The following TAFA1 variants were observed in gnomAD, a reference collection of about 807,000 sequenced individuals.
TAFA1 encodes the protein TAFA chemokine like family member 1, also known as chemokine-like protein TAFA-1.
A neutral mutation model predicts 18.5 loss-of-function variants in TAFA1; 4 were observed. That is an observed-to-expected ratio of 0.22 (90% CI 0.11 to 0.49). TAFA1 has a LOEUF of 0.49. TAFA1 is among the 20% of genes least tolerant of loss of function. TAFA1 has a pLI of 0.98. For missense variants in TAFA1, 147 were observed against 169.0 expected, an observed-to-expected ratio of 0.87 and a Z score of 0.72; for synonymous variants, 56 against 55.2, an observed-to-expected ratio of 1.01 and a Z score of -0.06.
At chr3:68,089,916 T>C (rs928387111) in intron 2 of TAFA1, among the ~76,000 whole-genome samples, 1 of 152,196 alleles carries the variant, frequency 6.6e-6, no homozygotes, top group African/African-American at 2.4e-5. Context: ...ACAGAGCTAT[T>C]ATACGTGTGA....
intron 2 of TAFA1, among the ~76,000 whole-genome samples, chr3:68,415,370 G>A (rs1445425328): frequency 6.6e-6 from 1 of 152,126 alleles, no homozygotes; most frequent in Non-Finnish European, 1.5e-5. Context: ...ACTAAACACA[G>A]GAAATGTGTA....
chr3:68,287,841 G>T (rs2068038907), intron 2 of TAFA1, among the ~76,000 whole-genome samples: 1 of 132,840 alleles, frequency 7.5e-6, no homozygotes, highest in Non-Finnish European at 1.6e-5. Flanking sequence ...CTGGATTGAA[G>T]AACATTTTTA....
At chr3:68,263,017 CT>C in intron 2 of TAFA1, among the ~76,000 whole-genome samples, 1 of 152,228 alleles carries the variant, frequency 6.6e-6, no homozygotes, top group Non-Finnish European at 1.5e-5. Flanking sequence ...ACAGTCACCC[CT>C]GATAGAACAC....
intron 2 of TAFA1, among the ~76,000 whole-genome samples, chr3:68,409,538 A>G (rs970643302): frequency 2.6e-5 from 4 of 152,060 alleles, no homozygotes; most frequent in Non-Finnish European, 5.9e-5. Flanking sequence ...TTCACACTCT[A>G]CTATGATTGT....
chr3:68,431,414 T>C (rs921313738), intron 3 of TAFA1, among the ~76,000 whole-genome samples: 3 of 151,986 alleles, frequency 2.0e-5, no homozygotes, highest in Admixed American at 6.6e-5. Flanking sequence ...CTGTGTCTCA[T>C]ATCCTACTGA....
chr3:68,453,933 G>A (rs1368310663), intron 3 of TAFA1, among the ~76,000 whole-genome samples: 2 of 152,072 alleles, frequency 1.3e-5, no homozygotes, highest in African/African-American at 2.4e-5. Flanking sequence ...CTTCACTCTC[G>A]GGTGAATCTG....
intron 2 of TAFA1, among the ~76,000 whole-genome samples, chr3:68,060,837 C>A (rs1461768406): frequency 1.3e-5 from 2 of 152,152 alleles, no homozygotes; most frequent in African/African-American, 2.4e-5. Context: ...ATTCAATTAG[C>A]TGGCTTTTGA....
At chr3:68,265,227 A>G (rs545157693) in intron 2 of TAFA1, among the ~76,000 whole-genome samples, 1 of 152,038 alleles carries the variant, frequency 6.6e-6, no homozygotes, top group African/African-American at 2.4e-5. Flanking sequence ...CTCCTGTTTA[A>G]TTTCCCTCAG....
intron 2 of TAFA1, among the ~76,000 whole-genome samples, chr3:68,386,815 G>A (rs1402753455): frequency 3.9e-5 from 6 of 152,076 alleles, no homozygotes; most frequent in Non-Finnish European, 7.4e-5. Flanking sequence ...TTTTGTTTGA[G>A]ACAATACCAT....
rs569386763 is a variant in TAFA1, at chr3:68,270,167, T to G, written c.119-147113T>G. On this transcript the variant is annotated intron_variant, in intron 2 of 4. Coordinates refer to ENST00000478136, the MANE Select transcript of TAFA1 (RefSeq NM_213609.4). ...TCTGCTTCATCACTATCTATACAAGTTCCGGCACTAACTGATTGCGCCACT... is the reference window on the plus strand; with the variant it reads ...TCTGCTTCATCACTATCTATACAAGGTCCGGCACTAACTGATTGCGCCACT... 2.5e-4 allele frequency among the ~76,000 whole-genome samples: 38 copies of G among 152,294 alleles called. 1 individual carries two copies. Among genetic ancestry groups the G allele is most frequent in the African/African-American group, 8.7e-4 (36 of 41,562 alleles).
chr3:68,507,813 G>T (rs1195011435), intron 3 of TAFA1, among the ~76,000 whole-genome samples: 2 of 152,052 alleles, frequency 1.3e-5, no homozygotes, highest in Non-Finnish European at 1.5e-5. Flanking sequence ...ATTGTGCTTG[G>T]GATGATGGTG....
intron 2 of TAFA1, among the ~76,000 whole-genome samples, chr3:68,311,920 C>G (rs150264026): frequency 0.017 from 2,628 of 152,344 alleles, 36 homozygotes; most frequent in Non-Finnish European, 0.024. Context: ...GGGCATGCCC[C>G]TGCAGCAAAC....
intron 3 of TAFA1, among the ~76,000 whole-genome samples, chr3:68,497,614 C>A (rs1339963869): frequency 6.6e-6 from 1 of 152,016 alleles, no homozygotes; most frequent in African/African-American, 2.4e-5. Flanking sequence ...TTCCAGGAAA[C>A]AAAAGTAGAC....
chr3:68,183,436 A>G (rs147326437), intron 2 of TAFA1, among the ~76,000 whole-genome samples: 175 of 152,300 alleles, frequency 1.1e-3, no homozygotes, highest in African/African-American at 4.0e-3. Context: ...TTAGTGAGGT[A>G]TAAAAGTGAG....
At chr3:68,406,272 C>A (rs1007784451) in intron 2 of TAFA1, among the ~76,000 whole-genome samples, 31 of 152,106 alleles carry the variant, frequency 2.0e-4, no homozygotes, top group African/African-American at 7.0e-4. Context: ...CCATGTCATT[C>A]TCAGCCCTAA....
chr3:68,396,266 T>C (rs1021610707), intron 2 of TAFA1, among the ~76,000 whole-genome samples: 4 of 152,136 alleles, frequency 2.6e-5, no homozygotes, highest in Non-Finnish European at 4.4e-5. Context: ...AGACAAGTCA[T>C]GAATGAACAG....
At chr3:68,467,415 C>A (rs566395185) in intron 3 of TAFA1, among the ~76,000 whole-genome samples, 2 of 152,222 alleles carry the variant, frequency 1.3e-5, no homozygotes, top group South Asian at 2.1e-4. Flanking sequence ...CATTTGGGGT[C>A]CCTGACTTCC....
chr3:68,068,667 T>C (rs1216865133), intron 2 of TAFA1, among the ~76,000 whole-genome samples: 1 of 152,230 alleles, frequency 6.6e-6, no homozygotes, highest in Non-Finnish European at 1.5e-5. Flanking sequence ...TTCAAAATTA[T>C]TCTTTGCCTG....
chr3:68,493,862 C>T (rs565971140), intron 3 of TAFA1, among the ~76,000 whole-genome samples: 1 of 152,240 alleles, frequency 6.6e-6, no homozygotes, highest in South Asian at 2.1e-4. Flanking sequence ...TGGGGTGAGA[C>T]AGCATCTGGA....
Sources: allele counts gnomAD v4.1 joint callset (sites outside exome capture counted in the v4.1 genomes callset), GRCh38; gene constraint gnomAD v4.1.1; transcripts MANE v1.5; gene names NCBI Gene and HGNC (gene_info 2026-07-23, HGNC 2026-07-21).